BBX: variants seen among roughly 807,000 people sequenced by gnomAD.
The protein encoded by BBX is HMG box transcription factor BBX.
A neutral mutation model predicts 100.2 loss-of-function variants in BBX; 30 were observed. That is an observed-to-expected ratio of 0.30 (90% CI 0.22 to 0.41). The LOEUF (loss-of-function observed/expected upper bound fraction) is 0.41. BBX is among the 10% of genes least tolerant of loss of function. The probability of loss-of-function intolerance (pLI) is 1.00; values close to 1 mark genes in which losing one functional copy is unlikely to be tolerated. For synonymous variants in BBX, 376 were observed against 388.1 expected (o/e 0.97, Z 0.37); for missense variants, 1,023 against 1,129.8 (o/e 0.91, Z 1.35).
intron 3 of BBX, chr3:107,661,754 T>C: frequency 2.2e-6 from 1 of 446,860 alleles, no homozygotes; most frequent in Non-Finnish European, 3.0e-6. Context: ...ATTTCTGTCC[T>C]CTGTTTATTT....
intron 6 of BBX, among the ~76,000 whole-genome samples, chr3:107,732,264 T>C (rs1209173465): frequency 6.6e-6 from 1 of 152,220 alleles, no homozygotes. Context: ...TCTACCACTT[T>C]GCTGTTTTTA....
At chr3:107,665,575 A>G (rs1013606906) in intron 3 of BBX, among the ~76,000 whole-genome samples, 1 of 152,106 alleles carries the variant, frequency 6.6e-6, no homozygotes, top group African/African-American at 2.4e-5. Flanking sequence ...GGGGGCATAC[A>G]TTGAACTTCT....
intron 3 of BBX, among the ~76,000 whole-genome samples, chr3:107,650,973 G>A (rs940619632): frequency 6.6e-6 from 1 of 152,236 alleles, no homozygotes; most frequent in African/African-American, 2.4e-5. Flanking sequence ...TCCTTACATG[G>A]CCTTTCCTCT....
At position 107,658,714 on chromosome 3, in the gene BBX, C is replaced by A. The variant is rs986018983; in HGVS notation, c.-10+12805C>A. 4.0e-4 allele frequency among the ~76,000 whole-genome samples: 60 copies of A among 151,780 alleles called. 1 individual carries two copies. The highest frequency in any genetic ancestry group is 1.7e-3 in the South Asian group (8 of 4,818). On this transcript the variant is annotated intron_variant, in intron 3 of 17. Transcript: ENST00000325805. ...TTATTTGTCTTTTGTGTGCTAATTTCTTTGTTTGTGTGTGTGTGTGTGTAT... is the reference window on the plus strand; with the variant it reads ...TTATTTGTCTTTTGTGTGCTAATTTATTTGTTTGTGTGTGTGTGTGTGTAT...
chr3:107,771,235 A>G (rs1239127408), intron 10 of BBX, among the ~76,000 whole-genome samples: 1 of 152,090 alleles, frequency 6.6e-6, no homozygotes, highest in Non-Finnish European at 1.5e-5. Context: ...GCATTTTGGG[A>G]GCCTTGCAGT....
At chr3:107,712,928 G>A (rs1285752831) in intron 4 of BBX, among the ~76,000 whole-genome samples, 1 of 152,136 alleles carries the variant, frequency 6.6e-6, no homozygotes, top group Admixed American at 6.5e-5. Context: ...CTCACACTCA[G>A]TGGTCTAGTC....
chr3:107,705,777 G>A (rs539941632), intron 3 of BBX, among the ~76,000 whole-genome samples: 1 of 152,280 alleles, frequency 6.6e-6, no homozygotes, highest in South Asian at 2.1e-4. Flanking sequence ...TGTTCTCACA[G>A]TAGAGCTATT....
intron 2 of BBX, among the ~76,000 whole-genome samples, chr3:107,592,218 A>C (rs1020746440): frequency 6.6e-6 from 1 of 151,924 alleles, no homozygotes; most frequent in African/African-American, 2.4e-5. Context: ...GGTGTATTAA[A>C]CAGCTGGGTT....
intron 9 of BBX, among the ~76,000 whole-genome samples, chr3:107,750,555 T>C (rs979828594): frequency 2.0e-5 from 3 of 152,208 alleles, no homozygotes; most frequent in African/African-American, 7.2e-5. Flanking sequence ...TATGTGTTTA[T>C]ACAAGAGTAG....
chr3:107,687,218 C>T (rs1254071540), intron 3 of BBX, among the ~76,000 whole-genome samples: 6 of 151,934 alleles, frequency 3.9e-5, no homozygotes, highest in Admixed American at 6.6e-5. Flanking sequence ...TCATAGAATC[C>T]AGCGTTAATT....
intron 9 of BBX, among the ~76,000 whole-genome samples, chr3:107,749,432 C>T (rs2064888176): frequency 6.6e-6 from 1 of 151,984 alleles, no homozygotes; most frequent in Non-Finnish European, 1.5e-5. Context: ...AATTGATTTG[C>T]CATGTATTCT....
intron 1 of BBX, among the ~76,000 whole-genome samples, chr3:107,525,150 TC>T (rs1576160263): frequency 6.8e-6 from 1 of 146,356 alleles, no homozygotes; most frequent in African/African-American, 2.5e-5. Context: ...GCGCCGGGGG[TC>T]CCCGGCGCCG....
rs571472775 is a variant in BBX at position 107,715,905 on chromosome 3, T to C, written c.163-702T>C. 4.7e-4 allele frequency among the ~76,000 whole-genome samples: 72 copies of C among 152,340 alleles called. 1 individual carries two copies. The South Asian group carries it at 9.1e-3, about 19-fold the overall frequency. On this transcript the variant is annotated intron_variant, in intron 4 of 17. Transcript: ENST00000325805. ...GTTTAAGCCTAGAGGAGTTTATTCC[T>C]ATCACCAGAGCATTTCACTAAACAA...
In BBX at chr3:107,747,952, T is replaced by G; in HGVS notation, c.751-13T>G. ...ATGTCATTGTATATTAAAAATTGCT[T>G]GTTTCCTTTCAGATATCTTCAAGTA... On this transcript the variant is annotated splice_polypyrimidine_tract_variant and intron_variant, in intron 8 of 17. Coordinates refer to ENST00000325805, the MANE Select transcript of BBX (RefSeq NM_001142568.3). 6.2e-7 allele frequency: 1 copy of G among 1,604,838 alleles called. No individual in the cohort carries two copies. Among genetic ancestry groups the G allele is most frequent in the South Asian group, 1.1e-5 (1 of 89,676 alleles).
intron 3 of BBX, chr3:107,659,748 T>C: frequency 7.8e-7 from 1 of 1,283,848 alleles, no homozygotes; most frequent in Non-Finnish European, 1.0e-6. Flanking sequence ...TTCATGTGCA[T>C]GAATGCACTG....
chr3:107,771,708 G>C (rs1463126440), intron 10 of BBX, among the ~76,000 whole-genome samples: 1 of 152,172 alleles, frequency 6.6e-6, no homozygotes, highest in Non-Finnish European at 1.5e-5. Flanking sequence ...AAACAAGTTT[G>C]TTCTCAGAGC....
chr3:107,732,896 C>T, intron 6 of BBX, 60 bp from the exon 7 acceptor site: 1 of 1,361,234 alleles, frequency 7.3e-7, no homozygotes, highest in Non-Finnish European at 1.0e-6. Context: ...TTCTTTTTGA[C>T]TCTGTGGATT....
intron 2 of BBX, among the ~76,000 whole-genome samples, chr3:107,604,545 A>G (rs899424120): frequency 1.3e-5 from 2 of 152,150 alleles, no homozygotes; most frequent in Non-Finnish European, 2.9e-5. Flanking sequence ...TGCAGAGAAT[A>G]CAGTAAAGCT....
intron 3 of BBX, among the ~76,000 whole-genome samples, chr3:107,654,736 A>G (rs1334780588): frequency 1.3e-5 from 2 of 152,176 alleles, no homozygotes; most frequent in Non-Finnish European, 2.9e-5. Context: ...TCTCTTAGAA[A>G]CATGGGCTGT....
Sources: gnomAD v4.1 joint callset for allele counts (sites outside exome capture counted in the v4.1 genomes callset) on GRCh38, gnomAD v4.1.1 for gene constraint, MANE v1.5 for transcripts, NCBI Gene and HGNC (gene_info 2026-07-23, HGNC 2026-07-21) for gene names.